HDAC4: variants seen among roughly 807,000 people sequenced by gnomAD.
HDAC4 encodes histone deacetylase 4.
HDAC4 carries 16 observed loss-of-function variants against 135.1 expected under a neutral mutation model. The ratio of observed to expected loss-of-function variants is 0.12; its 90% CI spans 0.08 to 0.18. The LOEUF (loss-of-function observed/expected upper bound fraction) is 0.18. HDAC4 is among the 10% of genes least tolerant of loss of function. The pLI, the probability that HDAC4 is intolerant of heterozygous loss-of-function variation, is 1.00. For missense variants in HDAC4, 1,143 were observed against 1,511.8 expected (o/e 0.76, Z 4.05); for synonymous variants, 685 against 653.4 (o/e 1.05, Z -0.74).
At chr2:239,341,688 T>C (rs1297063151) in intron 2 of HDAC4, among the ~76,000 whole-genome samples, 1 of 152,210 alleles carries the variant, frequency 6.6e-6, no homozygotes, top group African/African-American at 2.4e-5. Flanking sequence ...ACATATTTCC[T>C]AGGAAAACTC....
chr2:239,332,086 G>A (rs1691623029), intron 2 of HDAC4, among the ~76,000 whole-genome samples: 2 of 152,162 alleles, frequency 1.3e-5, no homozygotes, highest in South Asian at 4.1e-4. Context: ...GCTTAAAATA[G>A]CTTCAAAATA....
chr2:239,263,874 C>T (rs1210843013), intron 2 of HDAC4, among the ~76,000 whole-genome samples: 2 of 152,160 alleles, frequency 1.3e-5, no homozygotes, highest in South Asian at 2.1e-4. Context: ...TGCCCAGTGA[C>T]GCCACTCTGC....
chr2:239,131,420 G>A (rs572463268), intron 11 of HDAC4, among the ~76,000 whole-genome samples: 4 of 152,314 alleles, frequency 2.6e-5, no homozygotes, highest in African/African-American at 9.6e-5. Context: ...ACCAACTCAA[G>A]CAAGAGTTCG....
intron 22 of HDAC4, among the ~76,000 whole-genome samples, chr2:239,076,333 CAAG>C (rs1283761702): frequency 3.3e-5 from 5 of 152,360 alleles, no homozygotes; most frequent in Middle Eastern, 3.4e-3. Flanking sequence ...GTGCTCTGCG[CAAG>C]GGGCTGTGTC....
At chr2:239,104,289 C>T (rs562850101) in intron 15 of HDAC4, among the ~76,000 whole-genome samples, 4 of 152,064 alleles carry the variant, frequency 2.6e-5, no homozygotes, top group East Asian at 1.9e-4. Context: ...AGTGCAATGG[C>T]GCAATCTTGG....
intron 3 of HDAC4, chr2:239,190,913 C>T (rs1241375846): frequency 6.5e-6 from 3 of 464,838 alleles, no homozygotes; most frequent in African/African-American, 2.0e-5. Context: ...ACAAACAGCC[C>T]GACCTGCGCA....
At chr2:239,284,800 A>T (rs902318568) in intron 2 of HDAC4, among the ~76,000 whole-genome samples, 2 of 152,180 alleles carry the variant, frequency 1.3e-5, no homozygotes, top group African/African-American at 4.8e-5. Flanking sequence ...TAAATACACA[A>T]GCAGCCCTCC....
At chr2:239,083,153 A>G (rs868173690) in intron 20 of HDAC4, among the ~76,000 whole-genome samples, 2 of 152,248 alleles carry the variant, frequency 1.3e-5, no homozygotes, top group African/African-American at 2.4e-5. Flanking sequence ...TGGTGTGTAC[A>G]TGGGCAATAT....
At chr2:239,197,861 G>GTGTGTGTGTGTA (rs2045500902) in intron 3 of HDAC4, among the ~76,000 whole-genome samples, 2 of 150,884 alleles carry the variant, frequency 1.3e-5, no homozygotes, top group Admixed American at 6.6e-5. Flanking sequence ...GTGTGTGTGT[G>GTGTGTGTGTGTA]TGTGTGTGTG....
intron 2 of HDAC4, among the ~76,000 whole-genome samples, chr2:239,287,537 C>T (rs1382923228): frequency 1.3e-5 from 2 of 152,142 alleles, no homozygotes; most frequent in Non-Finnish European, 2.9e-5. Flanking sequence ...CACCCAATGC[C>T]TACTTCAAGG....
Position 239,095,040 on chromosome 2 carries a change from C to T in HDAC4, c.2250G>A (p.Val750=). ...CACCACCGCAAGGGAGCCGGACGAA[C>T]ACGGAGGCGAGCGAGCCTGTGGGGG... is the stretch of plus-strand genomic sequence containing the variant. ...SKKLLGSLAS[V]FVRLPCGGVG... is the part of the protein sequence containing the mutation. Residue 750 remains valine, a synonymous_variant, in exon 17 of 27, where the codon GTG becomes GTA. Transcript: ENST00000543185. The T allele has an allele frequency of 6.2e-7, 1 of 1,613,854 alleles. No homozygotes were observed.
intron 2 of HDAC4, among the ~76,000 whole-genome samples, chr2:239,333,133 C>T (rs913014899): frequency 1.3e-5 from 2 of 152,174 alleles, no homozygotes; most frequent in African/African-American, 4.8e-5. Context: ...AAAGAAATAG[C>T]ATCTTTCCTA....
At chr2:239,376,129 G>A (rs1694987648) in intron 1 of HDAC4, among the ~76,000 whole-genome samples, 2 of 151,484 alleles carry the variant, frequency 1.3e-5, no homozygotes, top group East Asian at 3.9e-4. Context: ...ACCAAGGCAG[G>A]TGCTGTGTGC....
At chr2:239,190,184 G>GT in intron 3 of HDAC4, 107 bp from the exon 4 acceptor site, 1 of 1,245,012 alleles carries the variant, frequency 8.0e-7, no homozygotes, top group Non-Finnish European at 1.1e-6. Context: ...CGGGGGGGGG[G>GT]TTGTGACCAT....
intron 3 of HDAC4, among the ~76,000 whole-genome samples, chr2:239,231,486 C>T (rs2047554428): frequency 6.6e-6 from 1 of 152,184 alleles, no homozygotes; most frequent in Non-Finnish European, 1.5e-5. Flanking sequence ...GGAGCCAGGG[C>T]ACTCGGTCAC....
chr2:239,311,545 C>T (rs766919681), intron 2 of HDAC4, among the ~76,000 whole-genome samples: 3 of 152,102 alleles, frequency 2.0e-5, no homozygotes, highest in Non-Finnish European at 2.9e-5. Flanking sequence ...ACGGCACCCG[C>T]GACTGAGGAC....
chr2:239,349,106 G>A lies in HDAC4; in HGVS notation c.22+3572C>T, dbSNP rs1692931034. ...TGCCCAGGGAGTGAGGGCGGCACGG[G>A]CACCCACACCAGGCCACACAGGAGC... is the stretch of plus-strand genomic sequence containing the variant. On this transcript the variant is annotated intron_variant, in intron 2 of 26. Transcript: ENST00000543185. The surrounding 1 kb of genome is among the most constrained non-coding windows in gnomAD (Gnocchi z 5.7). Among the ~76,000 whole-genome samples the A allele has an allele frequency of 6.6e-6, 1 of 152,198 alleles. No individual in the cohort carries two copies. Among genetic ancestry groups the A allele is most frequent in the South Asian group, 2.1e-4 (1 of 4,834 alleles).
chr2:239,242,418 GA>G (rs966055262), intron 2 of HDAC4, among the ~76,000 whole-genome samples: 11 of 152,288 alleles, frequency 7.2e-5, no homozygotes, highest in African/African-American at 2.4e-4. Flanking sequence ...AACATCTTTA[GA>G]TTTATTACTA....
At chr2:239,214,341 T>C (rs1321096614) in intron 3 of HDAC4, among the ~76,000 whole-genome samples, 1 of 152,138 alleles carries the variant, frequency 6.6e-6, no homozygotes, top group Non-Finnish European at 1.5e-5. Context: ...CTTGATTTCT[T>C]CCTTAAAGAA....
Sources: allele counts gnomAD v4.1 joint callset (sites outside exome capture counted in the v4.1 genomes callset), GRCh38; gene constraint gnomAD v4.1.1; non-coding constraint Gnocchi (gnomAD v3.1); transcripts MANE v1.5; gene names NCBI Gene and HGNC (gene_info 2026-07-23, HGNC 2026-07-21).